The following NEK1 variants were observed in gnomAD, a reference collection of about 807,000 sequenced individuals.
The protein encoded by NEK1 is NIMA related kinase 1.
In NEK1, 137 loss-of-function variants were observed where a neutral mutation model predicts 182.1. That is an observed-to-expected ratio of 0.75 (90% CI 0.65 to 0.87). The LOEUF (loss-of-function observed/expected upper bound fraction) is 0.87, where lower values mean the gene tolerates loss of function less well. Ranked by LOEUF, NEK1 falls within the 40% of genes least tolerant of loss-of-function variation. The pLI is 0.00. For synonymous variants in NEK1, 513 were observed against 492.2 expected, an observed-to-expected ratio of 1.04 and a Z score of -0.56; for missense variants, 1,391 against 1,494.4, an observed-to-expected ratio of 0.93 and a Z score of 1.14.
chr4:169,514,783 T>A (rs1754839909), intron 19 of NEK1, among the ~76,000 whole-genome samples: 2 of 152,192 alleles, frequency 1.3e-5, no homozygotes, highest in South Asian at 4.1e-4. Flanking sequence ...CACTTTTATG[T>A]TTCTAAGAGT....
At chr4:169,513,432 C>A (rs1336419377) in intron 19 of NEK1, among the ~76,000 whole-genome samples, 1 of 152,112 alleles carries the variant, frequency 6.6e-6, no homozygotes, top group Admixed American at 6.6e-5. Context: ...TTGTATCCTG[C>A]AACTATAATG....
intron 18 of NEK1, among the ~76,000 whole-genome samples, chr4:169,542,475 T>A (rs1759621604): frequency 6.6e-6 from 1 of 152,232 alleles, no homozygotes; most frequent in African/African-American, 2.4e-5. Flanking sequence ...TATGCATGTG[T>A]CTTTATAGCA....
intron 23 of NEK1, among the ~76,000 whole-genome samples, chr4:169,483,902 T>A (rs902690132): frequency 4.0e-5 from 6 of 151,834 alleles, no homozygotes; most frequent in Admixed American, 2.0e-4. Flanking sequence ...CAAATAACTT[T>A]TAAAAATATC....
chr4:169,604,697 A>G (rs564756893), intron 2 of NEK1, among the ~76,000 whole-genome samples: 1 of 152,274 alleles, frequency 6.6e-6, no homozygotes, highest in East Asian at 1.9e-4. Flanking sequence ...TAAATGACAA[A>G]CATCATATGC....
chr4:169,485,362 C>T (rs1297670951), intron 23 of NEK1, among the ~76,000 whole-genome samples: 1 of 152,118 alleles, frequency 6.6e-6, no homozygotes, highest in Non-Finnish European at 1.5e-5. Flanking sequence ...TGAAATGTGG[C>T]AACATCATTA....
intron 19 of NEK1, among the ~76,000 whole-genome samples, chr4:169,514,833 G>C (rs1277428680): frequency 1.3e-5 from 2 of 151,836 alleles, no homozygotes; most frequent in Non-Finnish European, 2.9e-5. Context: ...AGTATTACTG[G>C]TCTCAATTTT....
chr4:169,515,476 A>G (rs1362800308), intron 19 of NEK1, among the ~76,000 whole-genome samples: 2 of 150,294 alleles, frequency 1.3e-5, no homozygotes, highest in African/African-American at 4.9e-5. Flanking sequence ...TTTGGTGTAT[A>G]CATATTTAGG....
At chr4:169,463,459 C>A in intron 26 of NEK1, 64 bp from the exon 27 acceptor site, 6 of 1,235,002 alleles carry the variant, frequency 4.9e-6, no homozygotes, top group Non-Finnish European at 5.5e-6. Flanking sequence ...CATGGTAAGG[C>A]AGATTTTGAG....
chr4:169,502,891 C>T (rs989738310), intron 23 of NEK1, among the ~76,000 whole-genome samples: 2 of 152,044 alleles, frequency 1.3e-5, no homozygotes, highest in South Asian at 4.2e-4. Context: ...AGCAATCAGG[C>T]TAGAGAAAAA....
chr4:169,549,264 C>T (rs1030160530), intron 18 of NEK1, among the ~76,000 whole-genome samples: 1 of 152,210 alleles, frequency 6.6e-6, no homozygotes, highest in African/African-American at 2.4e-5. Flanking sequence ...CACCCTGCTT[C>T]AGCTCGCCCT....
chr4:169,531,538 G>A (rs572000019), intron 19 of NEK1, among the ~76,000 whole-genome samples: 6 of 151,484 alleles, frequency 4.0e-5, no homozygotes, highest in African/African-American at 9.7e-5. Flanking sequence ...GGAGAGTACC[G>A]GTAAAGAAGC....
At chr4:169,551,864 AG>A (rs1259149208) in intron 18 of NEK1, among the ~76,000 whole-genome samples, 2 of 152,106 alleles carry the variant, frequency 1.3e-5, no homozygotes, top group African/African-American at 4.8e-5. Flanking sequence ...GGAGAGAAAA[AG>A]GAGGTATGAA....
chr4:169,397,389 C>A (rs764598874), intron 35 of NEK1, among the ~76,000 whole-genome samples: 2 of 152,084 alleles, frequency 1.3e-5, no homozygotes, highest in Non-Finnish European at 2.9e-5. Context: ...ATTAACAATA[C>A]AAAACAGCAA....
intron 18 of NEK1, among the ~76,000 whole-genome samples, chr4:169,543,531 T>C (rs1240194887): frequency 6.6e-6 from 1 of 152,206 alleles, no homozygotes; most frequent in Non-Finnish European, 1.5e-5. Context: ...AGAAAGTCAA[T>C]GGTAGCTTGA....
chr4:169,556,039 T>C lies in NEK1; in HGVS notation c.1323A>G (p.Gly441=), dbSNP rs1387454200. ...AAATGGCATGGTAATGTTCATACTG[T>C]CCTCGAGAAGAAAAAGATGATGGAG... The part of the protein sequence containing the change: ...TIAPSSFSSR[G]QYEHYHAIFD... Residue 441 remains glycine (G), a synonymous_variant, in exon 17 of 36, where the codon GGA becomes GGG. Transcript: ENST00000507142. 5 of 1,613,550 alleles carry C rather than the reference T, an allele frequency of 3.1e-6. No individual in the cohort carries two copies. Among genetic ancestry groups the C allele is most frequent in the Middle Eastern group, 1.6e-4 (1 of 6,084 alleles).
intron 27 of NEK1, among the ~76,000 whole-genome samples, chr4:169,447,630 G>A (rs764012924): frequency 1.3e-5 from 2 of 152,116 alleles, no homozygotes; most frequent in Non-Finnish European, 1.5e-5. Context: ...ATTTTGGGAG[G>A]TGAAGGCGGG....
chr4:169,499,378 A>G (rs991408677), intron 23 of NEK1, among the ~76,000 whole-genome samples: 31 of 151,962 alleles, frequency 2.0e-4, no homozygotes, highest in Non-Finnish European at 3.8e-4. Context: ...TAGTTTGATC[A>G]TCTGAAGCCT....
intron 18 of NEK1, among the ~76,000 whole-genome samples, chr4:169,551,819 T>C (rs1258741074): frequency 6.6e-6 from 1 of 152,010 alleles, no homozygotes; most frequent in Admixed American, 6.5e-5. Context: ...CCTCTTGTGA[T>C]TTTTCTTCAG....
intron 27 of NEK1, among the ~76,000 whole-genome samples, chr4:169,448,442 C>T (rs550991599): frequency 1.3e-5 from 2 of 151,760 alleles, no homozygotes; most frequent in South Asian, 4.2e-4. Flanking sequence ...AAAAATCATA[C>T]AACAGATACG....
Sources: gnomAD v4.1 joint callset for allele counts (sites outside exome capture counted in the v4.1 genomes callset) on GRCh38, gnomAD v4.1.1 for gene constraint, MANE v1.5 for transcripts, NCBI Gene and HGNC (gene_info 2026-07-23, HGNC 2026-07-21) for gene names.